Variants in STK32A observed in about 807,000 individuals in gnomAD.
The protein encoded by STK32A is serine/threonine-protein kinase 32A.
STK32A carries 41 observed loss-of-function variants against 53.2 expected under a neutral mutation model. The ratio of observed to expected loss-of-function variants is 0.77; its 90% CI spans 0.60 to 1.00. The LOEUF (loss-of-function observed/expected upper bound fraction) is 1.00, where lower values mean the gene tolerates loss of function less well. Ranked by LOEUF, STK32A falls within the 50% of genes least tolerant of loss-of-function variation. The probability of loss-of-function intolerance (pLI) is 0.00; values close to 1 mark genes in which losing one functional copy is unlikely to be tolerated. For synonymous variants in STK32A, 166 were observed against 162.8 expected, an observed-to-expected ratio of 1.02 and a Z score of -0.15; for missense variants, 458 against 485.8, an observed-to-expected ratio of 0.94 and a Z score of 0.54.
chr5:147,250,106 A>C (rs1753920638), intron 2 of STK32A, among the ~76,000 whole-genome samples: 1 of 152,086 alleles, frequency 6.6e-6, no homozygotes, highest in South Asian at 2.1e-4. Context: ...GATAAATCCT[A>C]GGTTTTTGCT....
chr5:147,307,815 G>A (rs920137744), intron 4 of STK32A, among the ~76,000 whole-genome samples: 1 of 151,754 alleles, frequency 6.6e-6, no homozygotes, highest in Non-Finnish European at 1.5e-5. Flanking sequence ...CTTTCCTTAC[G>A]TCACCACAGA....
intron 4 of STK32A, among the ~76,000 whole-genome samples, chr5:147,315,294 T>C (rs904577164): frequency 6.6e-6 from 1 of 152,184 alleles, no homozygotes; most frequent in African/African-American, 2.4e-5. Context: ...AGCAGCATTA[T>C]TCATAATAGT....
chr5:147,286,162 C>T (rs11167984), intron 4 of STK32A, among the ~76,000 whole-genome samples: 25,191 of 151,734 alleles, frequency 0.17, 2,772 homozygotes, highest in Non-Finnish European at 0.24. Flanking sequence ...TTCTAAGTGA[C>T]GTAATTCAGG....
chr5:147,340,064 A>G (rs1220775531), intron 5 of STK32A, among the ~76,000 whole-genome samples: 1 of 152,166 alleles, frequency 6.6e-6, no homozygotes. Flanking sequence ...GGCATTTGTA[A>G]ACTGTCATGG....
At chr5:147,323,083 G>T (rs1230872924) in intron 4 of STK32A, among the ~76,000 whole-genome samples, 1 of 152,060 alleles carries the variant, frequency 6.6e-6, no homozygotes, top group Non-Finnish European at 1.5e-5. Flanking sequence ...ATTTTACTTT[G>T]GCACCTGGAG....
In STK32A at chr5:147,323,963, G is replaced by A. The variant is rs200548298; in HGVS notation, c.326G>A (p.Arg109His). 576 of 1,613,444 alleles carry A rather than the reference G, an allele frequency of 3.6e-4. No individual in the cohort carries two copies. Among genetic ancestry groups the A allele is most frequent in the Non-Finnish European group, 4.5e-4 (529 of 1,179,722 alleles). ...VVDLLLGGDL[R>H]YHLQQNVHFK... ...GACCTCCTGCTGGGTGGAGACCTGC[G>A]TTATCACCTGCAACAGAACGTCCAC... The change falls in exon 5 of 13, where the codon CGT becomes CAT. Residue 109 changes from arginine (R) to histidine (H), a missense_variant. Transcript: ENST00000397936.
chr5:147,397,883 TAGAGAA>T, the STK32A span: 3 of 1,119,938 alleles, frequency 2.7e-6, no homozygotes, highest in Non-Finnish European at 3.6e-6. Flanking sequence ...ACAGTAAGGG[TAGAGAA>T]AGAGGAACGT....
At chr5:147,362,208 C>T (rs1318179033) in intron 8 of STK32A, among the ~76,000 whole-genome samples, 27 of 152,168 alleles carry the variant, frequency 1.8e-4, no homozygotes, top group Non-Finnish European at 1.5e-5. Context: ...AATAGAAATA[C>T]ACTCCTTAGG....
rs116469985 is a variant in STK32A at position 147,260,976 on chromosome 5, G to A, written c.53-17148G>A. On this transcript the variant is annotated intron_variant, in intron 2 of 12. Coordinates refer to ENST00000397936, the MANE Select transcript of STK32A (RefSeq NM_001112724.2). ...CGCGGCTTCTCCTTCCTTGGTCTGT[G>A]CGCAGAGTCGTTGCCGCAGTATGTG... is the stretch of plus-strand genomic sequence containing the variant. Among the ~76,000 whole-genome samples, 1,271 of 152,320 alleles carry A rather than the reference G, an allele frequency of 8.3e-3. 22 individuals are homozygous for A. Among genetic ancestry groups the A allele is most frequent in the African/African-American group, 0.029 (1,225 of 41,576 alleles).
At chr5:147,342,510 G>C in intron 5 of STK32A, 1 of 155,282 alleles carries the variant, frequency 6.4e-6, no homozygotes, top group Non-Finnish European at 1.4e-5. Context: ...AGGTGTGGAT[G>C]TGAGGAGGCA....
chr5:147,375,062 A>T (rs1214382669), intron 10 of STK32A, 28 bp from the exon 11 acceptor site: 1 of 1,579,276 alleles, frequency 6.3e-7, no homozygotes, highest in Non-Finnish European at 8.6e-7. Context: ...CAGTAATCTG[A>T]GGATTGAGCC....
At chr5:147,278,861 C>T (rs1751898044) in intron 3 of STK32A, among the ~76,000 whole-genome samples, 1 of 152,062 alleles carries the variant, frequency 6.6e-6, no homozygotes, top group Non-Finnish European at 1.5e-5. Flanking sequence ...TGGTTGTAAA[C>T]AGAAATTCTT....
chr5:147,239,717 A>T (rs1345644166), intron 2 of STK32A, 31 bp downstream of exon 2: 1 of 1,569,534 alleles, frequency 6.4e-7, no homozygotes, highest in African/African-American at 1.4e-5. Context: ...GCATATAAAA[A>T]ATAGAATTTT....
chr5:147,368,545 G>A (rs940024461), intron 8 of STK32A, among the ~76,000 whole-genome samples: 5 of 152,044 alleles, frequency 3.3e-5, no homozygotes, highest in Admixed American at 3.3e-4. Context: ...TATGTGTCTT[G>A]TTCTTCATTG....
intron 4 of STK32A, among the ~76,000 whole-genome samples, chr5:147,288,721 T>C (rs1360954164): frequency 6.6e-6 from 1 of 152,030 alleles, no homozygotes; most frequent in Non-Finnish European, 1.5e-5. Flanking sequence ...TGTGAAACCA[T>C]TCATGAGGAT....
intron 5 of STK32A, among the ~76,000 whole-genome samples, chr5:147,334,944 A>G (rs1336829240): frequency 6.6e-6 from 1 of 152,250 alleles, no homozygotes; most frequent in African/African-American, 2.4e-5. Flanking sequence ...TTCCAAACCC[A>G]TATATACTAT....
chr5:147,395,843 G>T, the STK32A span: 1 of 1,172,648 alleles, frequency 8.5e-7, no homozygotes, highest in Non-Finnish European at 1.2e-6. Flanking sequence ...CAATAATAAA[G>T]ATAATTTGAG....
In STK32A at chr5:147,351,107, C is replaced by T. The variant is rs764240746; in HGVS notation, c.515C>T (p.Pro172Leu). Residue 172 changes from proline (P) to leucine (L), a missense_variant, in exon 7 of 13, where the codon CCC becomes CTC. Pro to Leu is a moderately conservative substitution (Grantham distance 98). Transcript: ENST00000397936. The part of the protein sequence containing the change: ...ITDFNIAAML[P>L]RETQITTMAG... ...GATTTCAACATTGCTGCGATGCTGCCCAGGGAGACACAGATTACCACCATG... is the reference window on the plus strand; with the variant it reads ...GATTTCAACATTGCTGCGATGCTGCTCAGGGAGACACAGATTACCACCATG... 15 of 1,613,788 alleles carry T rather than the reference C, an allele frequency of 9.3e-6. No homozygotes were observed. Among genetic ancestry groups the T allele is most frequent in the East Asian group, 6.7e-5 (3 of 44,876 alleles).
chr5:147,301,498 T>C (rs761234288), intron 4 of STK32A, among the ~76,000 whole-genome samples: 13 of 152,174 alleles, frequency 8.5e-5, no homozygotes, highest in Non-Finnish European at 1.3e-4. Context: ...AGTGGACAAC[T>C]GCACCTAAAC....
Sources: allele counts gnomAD v4.1 joint callset (sites outside exome capture counted in the v4.1 genomes callset), GRCh38; gene constraint gnomAD v4.1.1; transcripts MANE v1.5; gene names NCBI Gene and HGNC (gene_info 2026-07-23, HGNC 2026-07-21).